Variants in PPIC observed in about 807,000 individuals in gnomAD.
PPIC encodes the protein peptidyl-prolyl cis-trans isomerase C.
Under a neutral mutation model 19.5 loss-of-function variants are expected in PPIC, and 19 were observed. The observed-to-expected ratio is 0.98, with a 90% CI of 0.68 to 1.43. PPIC has a LOEUF of 1.43. PPIC is among the 40% of genes most tolerant of loss of function. The pLI, the probability that PPIC is intolerant of heterozygous loss-of-function variation, is 0.00. For synonymous variants in PPIC, 107 were observed against 101.2 expected (o/e 1.06, Z -0.34); for missense variants, 268 against 268.6 (o/e 1.00, Z 0.02).
intron 3 of PPIC, among the ~76,000 whole-genome samples, chr5:123,026,846 C>T (rs1581872720): frequency 6.6e-6 from 1 of 152,208 alleles, no homozygotes; most frequent in South Asian, 2.1e-4. Flanking sequence ...ACCTCCCCTT[C>T]TGTAGGGCCC....
chr5:123,031,339 T>C (rs1425828958), intron 1 of PPIC, among the ~76,000 whole-genome samples: 1 of 152,104 alleles, frequency 6.6e-6, no homozygotes, highest in Non-Finnish European at 1.5e-5. Flanking sequence ...CCAAACACTG[T>C]ATGCCCAGGC....
chr5:123,025,665 G>C (rs1762840241), intron 4 of PPIC, 119 bp downstream of exon 4: 1 of 1,017,100 alleles, frequency 9.8e-7, no homozygotes. Flanking sequence ...CACCTTTGAA[G>C]AGGCCAGTCA....
Position 123,036,637 on chromosome 5 carries a change from G to A in PPIC, c.-12C>T. On this transcript the variant is annotated 5_prime_UTR_variant, in exon 1 of 5. Transcript: ENST00000306442. The surrounding 1 kb of genome is among the most constrained non-coding windows in gnomAD (Gnocchi z 4.5). Reference sequence around the variant, plus strand: ...GGACCCGGGCCCATGGTGAGCGGTGGCAGCGGCGCTACCGGCACGGGCGCT... The same window carrying A: ...GGACCCGGGCCCATGGTGAGCGGTGACAGCGGCGCTACCGGCACGGGCGCT... 1.9e-6 allele frequency: 3 copies of A among 1,571,158 alleles called. No individual in the cohort carries two copies. Among genetic ancestry groups the A allele is most frequent in the Non-Finnish European group, 2.6e-6 (3 of 1,159,380 alleles).
chr5:123,028,174 A>AACTC (rs1302289832), intron 3 of PPIC, among the ~76,000 whole-genome samples: 1 of 152,254 alleles, frequency 6.6e-6, no homozygotes, highest in African/African-American at 2.4e-5. Flanking sequence ...TCCCAAGTAG[A>AACTC]ACTCACTTTC....
chr5:123,028,812 A>C lies in PPIC; in HGVS notation c.288T>G (p.Ile96Met). 6.2e-7 allele frequency: 1 copy of C among 1,613,878 alleles called. No homozygotes were observed. Among genetic ancestry groups the C allele is most frequent in the Non-Finnish European group, 8.5e-7 (1 of 1,179,742 alleles). The change falls in exon 3 of 5, where the codon ATT becomes ATG. Residue 96 changes from isoleucine to methionine, a missense_variant. By Grantham distance (10) the Ile-to-Met change is conservative (BLOSUM62 1). Coordinates refer to ENST00000306442, the MANE Select transcript of PPIC (RefSeq NM_000943.5). ...KFHRVIKDFMIQGGDITTGDG... is the reference protein window; with the variant it reads ...KFHRVIKDFMMQGGDITTGDG... ...CTCCAGTGGTGATGTCACCTCCTTG[A>C]ATCATGAAATCCTTGATGACACGAT...
chr5:123,033,785 C>T (rs1295329655), intron 1 of PPIC, among the ~76,000 whole-genome samples: 1 of 152,216 alleles, frequency 6.6e-6, no homozygotes, highest in Admixed American at 6.5e-5. Flanking sequence ...AGCCTCCTGG[C>T]CACTACATGC....
chr5:123,025,645 A>T, intron 4 of PPIC, 139 bp downstream of exon 4: 1 of 840,490 alleles, frequency 1.2e-6, no homozygotes, highest in Non-Finnish European at 1.8e-6. Context: ...CATACCATAT[A>T]TAATTTATTC....
At chr5:123,034,303 C>T (rs1309873058) in intron 1 of PPIC, among the ~76,000 whole-genome samples, 2 of 152,132 alleles carry the variant, frequency 1.3e-5, no homozygotes, top group Non-Finnish European at 2.9e-5. Context: ...TTTAGAAAAA[C>T]TTAATGACAA....
At position 123,031,165 on chromosome 5, in the gene PPIC, A is replaced by C. The variant is rs991519703; in HGVS notation, c.118-1747T>G. ...TGCCAACTCTACTGGAAAGGATAAA[A>C]TCCAATCTCATTTTGTCAATAAGTA... On this transcript the variant is annotated intron_variant, in intron 1 of 4. Transcript: ENST00000306442. Among the ~76,000 whole-genome samples, 3 of 152,236 alleles carry C rather than the reference A, an allele frequency of 2.0e-5. No individual in the cohort carries two copies. In the East Asian group the frequency reaches 5.8e-4, roughly 29 times the overall value.
chr5:123,033,500 GC>G (rs1762968213), intron 1 of PPIC, among the ~76,000 whole-genome samples: 1 of 152,122 alleles, frequency 6.6e-6, no homozygotes, highest in African/African-American at 2.4e-5. Flanking sequence ...ATCACCTTCC[GC>G]CGCCGTGACT....
At chr5:123,029,483 C>G in intron 1 of PPIC, 65 bp from the exon 2 acceptor site, 1 of 1,467,268 alleles carries the variant, frequency 6.8e-7, no homozygotes, top group South Asian at 1.6e-5. Context: ...CAAGGTAAGT[C>G]AAAATTAAAA....
At chr5:123,031,776 G>A (rs1762946149) in intron 1 of PPIC, among the ~76,000 whole-genome samples, 1 of 152,140 alleles carries the variant, frequency 6.6e-6, no homozygotes, top group Admixed American at 6.5e-5. Context: ...AAATGTACGA[G>A]GGAGACAGAA....
chr5:123,029,095 A>G (rs773221233), intron 2 of PPIC: 4 of 958,282 alleles, frequency 4.2e-6, no homozygotes, highest in Non-Finnish European at 6.0e-6. Flanking sequence ...AGAGCAAACC[A>G]TATTTTCACT....
At chr5:123,033,293 T>C (rs572564067) in intron 1 of PPIC, among the ~76,000 whole-genome samples, 20 of 152,324 alleles carry the variant, frequency 1.3e-4, no homozygotes, top group Middle Eastern at 3.4e-3. Flanking sequence ...GGATATTTGA[T>C]CCTAATGTTG....
intron 3 of PPIC, among the ~76,000 whole-genome samples, chr5:123,026,821 G>A (rs1191464639): frequency 6.6e-6 from 1 of 152,142 alleles, no homozygotes; most frequent in African/African-American, 2.4e-5. Flanking sequence ...AATACCTCAA[G>A]GGTCTACCAG....
rs1762806472 is a variant in PPIC, at chr5:123,023,867, C to T, written c.*8G>A. 1.2e-6 allele frequency: 2 copies of T among 1,611,310 alleles called. 1 individual carries two copies. The highest frequency in any genetic ancestry group is 2.2e-5 in the South Asian group (2 of 90,976). ...GCCAAAGCATATCCTTGTTTTCTGC[C>T]AGTTGTGTCACCAATCAGCGATCTC... On this transcript the variant is annotated 3_prime_UTR_variant, in exon 5 of 5. Coordinates refer to ENST00000306442, the MANE Select transcript of PPIC (RefSeq NM_000943.5).
rs1388944635 is a variant in PPIC at position 123,025,918 on chromosome 5, G to A, written c.376C>T (p.His126Tyr). ...ATGCTGACCCACCCAATGCCATAGTGCTTCAGCTTGAAGTTCTCATCTGGA... is the reference window on the plus strand; with the variant it reads ...ATGCTGACCCACCCAATGCCATAGTACTTCAGCTTGAAGTTCTCATCTGGA... Reference protein sequence around the residue: ...TFPDENFKLKHYGIGWVSMAN... With the variant: ...TFPDENFKLKYYGIGWVSMAN... The change falls in exon 4 of 5, where the codon CAC becomes TAC. Residue 126 changes from histidine to tyrosine, a missense_variant. Physicochemically the swap from His to Tyr is moderately conservative, Grantham distance 83. Coordinates refer to ENST00000306442, the MANE Select transcript of PPIC (RefSeq NM_000943.5). 2.5e-6 allele frequency: 4 copies of A among 1,611,772 alleles called. No individual in the cohort carries two copies. Among genetic ancestry groups the A allele is most frequent in the East Asian group, 4.5e-5 (2 of 44,836 alleles).
rs1382912088 is a variant in PPIC at position 123,025,777 on chromosome 5, A to C, written c.510+7T>G. 1.9e-6 allele frequency: 3 copies of C among 1,610,338 alleles called. No homozygotes were observed. The East Asian group carries it at 6.7e-5, about 36-fold the overall frequency. On this transcript the variant is annotated splice_region_variant and intron_variant, in intron 4 of 4. Coordinates refer to ENST00000306442, the MANE Select transcript of PPIC (RefSeq NM_000943.5). ...AGCTTTGAAAGGAAAAAAATGTATC[A>C]ATTTACCATCCCATCAATGACTTTT... is the stretch of plus-strand genomic sequence containing the variant.
At chr5:123,034,010 G>C (rs1053713833) in intron 1 of PPIC, among the ~76,000 whole-genome samples, 1 of 152,238 alleles carries the variant, frequency 6.6e-6, no homozygotes. Flanking sequence ...CCCAGCAGCA[G>C]GATCTGTGGA....
Sources: allele counts gnomAD v4.1 joint callset (sites outside exome capture counted in the v4.1 genomes callset), GRCh38; gene constraint gnomAD v4.1.1; non-coding constraint Gnocchi (gnomAD v3.1); transcripts MANE v1.5; gene names NCBI Gene and HGNC (gene_info 2026-07-23, HGNC 2026-07-21).